Variants in WDR64 observed in about 807,000 individuals in gnomAD.
The protein encoded by WDR64 is WD repeat domain 64, also known as WD repeat-containing protein 64.
WDR64 carries 112 observed loss-of-function variants against 139.3 expected under a neutral mutation model. That is an observed-to-expected ratio of 0.80 (90% CI 0.69 to 0.94). WDR64 has a LOEUF of 0.94. Among genes scored for constraint, WDR64 ranks in the 40% least tolerant of loss-of-function variants. WDR64 has a pLI of 0.00. For synonymous variants in WDR64, 444 were observed against 437.7 expected, an observed-to-expected ratio of 1.01 and a Z score of -0.18; for missense variants, 1,206 against 1,293.1, an observed-to-expected ratio of 0.93 and a Z score of 1.03.
chr1:241,798,334 T>C (rs545332903), intron 27 of WDR64, among the ~76,000 whole-genome samples: 1 of 152,308 alleles, frequency 6.6e-6, no homozygotes, highest in South Asian at 2.1e-4. Context: ...TCTGGTTTAC[T>C]AAAAGAAATA....
At chr1:241,798,110 T>A (rs961737164) in intron 27 of WDR64, among the ~76,000 whole-genome samples, 15 of 152,150 alleles carry the variant, frequency 9.9e-5, no homozygotes, top group Admixed American at 2.6e-4. Context: ...TTATTAGAGA[T>A]CATAAAGAAT....
At position 241,744,580 on chromosome 1, in the gene WDR64, T is replaced by C. The variant is rs1669681217; in HGVS notation, c.1594+64T>C. 1.9e-6 allele frequency: 3 copies of C among 1,597,502 alleles called. No homozygotes were observed. In the South Asian group the frequency reaches 3.4e-5, roughly 18 times the overall value. ...TGTCCTGAGAATTTCCGCCAAAAAC[T>C]CTTTCGTTCTTTAGGGTAGAAGGAG... On this transcript the variant is annotated intron_variant, in intron 13 of 27. Coordinates refer to ENST00000437684, the MANE Select transcript of WDR64 (RefSeq NM_001367482.1).
rs1436765251 is a variant in WDR64 at position 241,778,948 on chromosome 1, T to A, written c.2537-1056T>A. Among the ~76,000 whole-genome samples, 7 of 152,264 alleles carry A rather than the reference T, an allele frequency of 4.6e-5. No homozygotes were observed. The East Asian group carries it at 1.3e-3, about 29-fold the overall frequency. ...AATAAAGTTTTTATTTTATCTTTGC[T>A]TATTCCTTGTCTTCTTAGTTTCCTT... On this transcript the variant is annotated intron_variant, in intron 21 of 27. Transcript: ENST00000437684.
intron 7 of WDR64, among the ~76,000 whole-genome samples, chr1:241,685,381 A>G (rs1237028235): frequency 6.6e-6 from 1 of 151,774 alleles, no homozygotes; most frequent in African/African-American, 2.4e-5. Context: ...GGGGGATAAA[A>G]AAATTTTAAT....
chr1:241,734,686 G>GA (rs1553373371), intron 10 of WDR64, among the ~76,000 whole-genome samples: 3 of 151,920 alleles, frequency 2.0e-5, no homozygotes, highest in Non-Finnish European at 4.4e-5. Context: ...TTCTTCCCCC[G>GA]AGAGTTATAG....
At chr1:241,738,112 T>C (rs1180199087) in intron 10 of WDR64, among the ~76,000 whole-genome samples, 1 of 152,166 alleles carries the variant, frequency 6.6e-6, no homozygotes, top group Non-Finnish European at 1.5e-5. Context: ...CCTATAATGA[T>C]AGAAAAAATC....
chr1:241,766,321 GGA>G lies in WDR64; in HGVS notation c.2052_2053del (p.Trp684Ter), dbSNP rs1374304421. Reference sequence around the variant, plus strand: ...ACCTTAAATGGTGTGATCATCTTATGGAATTTTGTGACGTCTACTGTCAAAAA... The same window carrying G: ...ACCTTAAATGGTGTGATCATCTTATGATTTTGTGACGTCTACTGTCAAAAA... On this transcript the variant is annotated stop_gained and frameshift_variant, in exon 16 of 28. Transcript: ENST00000437684. LOFTEE classifies it high-confidence loss of function. 2 of 1,613,896 alleles carry G rather than the reference GGA, an allele frequency of 1.2e-6. No homozygotes were observed. Among genetic ancestry groups the G allele is most frequent in the Non-Finnish European group, 1.7e-6 (2 of 1,179,982 alleles).
chr1:241,728,823 C>CTTTT lies in WDR64; in HGVS notation c.1194+5395_1194+5398dup, dbSNP rs66478639. On this transcript the variant is annotated intron_variant, in intron 10 of 27. Transcript: ENST00000437684. ...TGACCAAAAGGCTGATTCTCTTCTT[C>CTTTT]TTTTTTTTTTTCTATGAAGGGGAGA... Among the ~76,000 whole-genome samples the CTTTT allele has an allele frequency of 6.3e-3, 935 of 148,702 alleles. 4 individuals carry two copies. Among genetic ancestry groups the CTTTT allele is most frequent in the African/African-American group, 0.02 (825 of 40,550 alleles).
chr1:241,801,269 A>G lies in WDR64; in HGVS notation c.*54A>G. The G allele has an allele frequency of 1.4e-6, 2 of 1,436,896 alleles. No homozygotes were observed. The highest frequency in any genetic ancestry group is 2.0e-6 in the Non-Finnish European group (2 of 1,022,192). The allele number at this position is 1,436,896 out of a possible 1,614,324, so 89.0% of individuals were successfully genotyped here. A position where few individuals can be genotyped will look rare whatever the true frequency, so the allele number is the denominator to read the frequency against. ...CATAAAATGGCAACGTTTGGATGATACCTGCTCTTTATTTCAGGATGAGAG... is the reference window on the plus strand; with the variant it reads ...CATAAAATGGCAACGTTTGGATGATGCCTGCTCTTTATTTCAGGATGAGAG... On this transcript the variant is annotated 3_prime_UTR_variant, in exon 28 of 28. Coordinates refer to ENST00000437684, the MANE Select transcript of WDR64 (RefSeq NM_001367482.1).
At position 241,784,953 on chromosome 1, in the gene WDR64, G is replaced by GAAAAAAAAAAAAAAAA. The variant is rs58720618; in HGVS notation, c.2705+1580_2705+1595dup. Among the ~76,000 whole-genome samples, 299 of 62,102 alleles carry GAAAAAAAAAAAAAAAA rather than the reference G, an allele frequency of 4.8e-3. 2 individuals are homozygous for GAAAAAAAAAAAAAAAA. Among genetic ancestry groups the GAAAAAAAAAAAAAAAA allele is most frequent in the East Asian group, 0.013 (21 of 1,642 alleles). 40.7% of individuals were successfully genotyped at this position (62,102 alleles called of 152,430 possible). The stretch of plus-strand genomic sequence containing the variant: ...TGGGCGACAGAGTGAGACTCTGTCT[G>GAAAAAAAAAAAAAAAA]AAAAAAAAAAAAAAAAAAAAAAAGA... On this transcript the variant is annotated intron_variant, in intron 23 of 27. Coordinates refer to ENST00000437684, the MANE Select transcript of WDR64 (RefSeq NM_001367482.1).
rs1666638573 is a variant in WDR64, at chr1:241,678,318, G to C, written c.513+102G>C. 4 of 396,880 alleles carry C rather than the reference G, an allele frequency of 1.0e-5. No individual in the cohort carries two copies. In the Admixed American group the frequency reaches 1.8e-4, roughly 17 times the overall value. The allele number at this position is 396,880 out of a possible 1,614,324, so 24.6% of individuals were successfully genotyped here. ...CTCAATGAAGTACTGAATAGGCTCT[G>C]GGTATATGTTTCATATATTATAAAT... On this transcript the variant is annotated intron_variant, in intron 5 of 27. Coordinates refer to ENST00000437684, the MANE Select transcript of WDR64 (RefSeq NM_001367482.1).
intron 2 of WDR64, among the ~76,000 whole-genome samples, chr1:241,666,869 C>T (rs1384569778): frequency 6.6e-6 from 1 of 152,166 alleles, no homozygotes; most frequent in Non-Finnish European, 1.5e-5. Flanking sequence ...ACGGGAAAGA[C>T]TCAAGTACAG....
intron 16 of WDR64, among the ~76,000 whole-genome samples, chr1:241,768,490 A>G (rs1311626356): frequency 1.3e-5 from 2 of 152,168 alleles, no homozygotes; most frequent in Non-Finnish European, 2.9e-5. Context: ...TTGAGCCCAG[A>G]CTTAATATTA....
intron 14 of WDR64, among the ~76,000 whole-genome samples, chr1:241,755,003 C>T (rs1419877725): frequency 6.6e-6 from 1 of 152,156 alleles, no homozygotes; most frequent in Non-Finnish European, 1.5e-5. Flanking sequence ...CAAGTCTTTG[C>T]TATTGTGAAT....
At chr1:241,738,178 A>T (rs1017967853) in intron 10 of WDR64, among the ~76,000 whole-genome samples, 185 bp from the exon 11 acceptor site, 2 of 152,192 alleles carry the variant, frequency 1.3e-5, no homozygotes, top group Non-Finnish European at 2.9e-5. Context: ...TTTTCCTCTG[A>T]TATTAATGAA....
intron 9 of WDR64, among the ~76,000 whole-genome samples, chr1:241,720,240 T>G (rs1425860903): frequency 1.3e-5 from 2 of 152,214 alleles, no homozygotes; most frequent in African/African-American, 4.8e-5. Context: ...TCTTTGCTAT[T>G]GTGAATAGTG....
chr1:241,656,554 T>TA lies in WDR64; in HGVS notation c.145+3926dup, dbSNP rs1432920087. ...AATTTCTGACTCAATATTACCAAAA[T>TA]AGAGTGCTTTATTTTCCCCAACAAT... On this transcript the variant is annotated intron_variant, in intron 1 of 27. Coordinates refer to ENST00000437684, the MANE Select transcript of WDR64 (RefSeq NM_001367482.1). The surrounding 1 kb of genome is among the most constrained non-coding windows in gnomAD (Gnocchi z 4.3). Among the ~76,000 whole-genome samples the TA allele has an allele frequency of 6.6e-6, 1 of 152,176 alleles. No homozygotes were observed. Among genetic ancestry groups the TA allele is most frequent in the Non-Finnish European group, 1.5e-5 (1 of 68,014 alleles).
chr1:241,674,858 C>CCTTTT (rs1199330134), intron 4 of WDR64, 111 bp downstream of exon 4: 5 of 138,830 alleles, frequency 3.6e-5, no homozygotes. Context: ...TTCTTTCCTT[C>CCTTTT]CTCCCTCCCT....
At chr1:241,757,767 A>G (rs962529542) in intron 15 of WDR64, among the ~76,000 whole-genome samples, 1 of 151,402 alleles carries the variant, frequency 6.6e-6, no homozygotes, top group Admixed American at 6.6e-5. Flanking sequence ...TACAGGCATA[A>G]GACACCGTGC....
Sources: gnomAD v4.1 joint callset for allele counts (sites outside exome capture counted in the v4.1 genomes callset) on GRCh38, gnomAD v4.1.1 for gene constraint, Gnocchi (gnomAD v3.1) non-coding constraint, MANE v1.5 for transcripts, NCBI Gene and HGNC (gene_info 2026-07-23, HGNC 2026-07-21) for gene names.